CCDC3: variants seen among roughly 807,000 people sequenced by gnomAD.
The protein encoded by CCDC3 is coiled-coil domain-containing protein 3.
In CCDC3, 24 loss-of-function variants were observed where a neutral mutation model predicts 21.4. That is an observed-to-expected ratio of 1.12 (90% CI 0.81 to 1.58). The LOEUF is 1.58. CCDC3 is among the 40% of genes most tolerant of loss of function. CCDC3 has a pLI of 0.00. For missense variants in CCDC3, 425 were observed against 360.9 expected, an observed-to-expected ratio of 1.18 and a Z score of -1.44; for synonymous variants, 186 against 166.0, an observed-to-expected ratio of 1.12 and a Z score of -0.93.
intron 5 of CCDC3, among the ~76,000 whole-genome samples, chr10:13,027,651 C>A (rs779011309): frequency 1.6e-4 from 24 of 150,018 alleles, no homozygotes; most frequent in Non-Finnish European, 2.7e-4. Flanking sequence ...TTTGAGGCTG[C>A]AGTGAGATGT....
At chr10:13,073,947 AACAGGTAC>A (rs1160381294) in exon 4 of CCDC3, 1 of 151,860 alleles carries the variant, frequency 6.6e-6, no homozygotes, top group African/African-American at 2.4e-5. Flanking sequence ...CACCTCCTCT[AACAGGTAC>A]ACCATGCAGT....
intron 2 of CCDC3, among the ~76,000 whole-genome samples, chr10:12,969,739 T>A (rs896138957): frequency 4.0e-5 from 6 of 149,574 alleles, no homozygotes; most frequent in African/African-American, 1.5e-4. Context: ...TATTCTAATA[T>A]TTTTAAAAAA....
chr10:13,055,588 G>C (rs548479678), intron 4 of CCDC3, among the ~76,000 whole-genome samples: 1 of 152,262 alleles, frequency 6.6e-6, no homozygotes, highest in East Asian at 1.9e-4. Flanking sequence ...GCCTCCCAAA[G>C]TGCTGAGATT....
chr10:12,921,675 C>A (rs1834452530), intron 2 of CCDC3, among the ~76,000 whole-genome samples: 1 of 152,194 alleles, frequency 6.6e-6, no homozygotes, highest in Non-Finnish European at 1.5e-5. Context: ...TTATCTTGCA[C>A]AACTATAATT....
At position 13,034,525 on chromosome 10, in the gene CCDC3, TAA is replaced by T. The variant is rs34324335; in HGVS notation, c.-2+15147_-2+15148del. On this transcript the variant is annotated intron_variant, in intron 5 of 6. Coordinates refer to the CCDC3 transcript ENST00000378839. ...AGAATTCCCCCAAAAGCCTAGATCT[TAA>T]AAAAAAAAAAAAAATGGGTACATTT... is the stretch of plus-strand genomic sequence containing the variant. Among the ~76,000 whole-genome samples the T allele has an allele frequency of 8.5e-3, 1,219 of 142,666 alleles. 14 individuals carry two copies. The highest frequency in any genetic ancestry group is 0.025 in the African/African-American group (960 of 37,970). The allele number at this position is 142,666 out of a possible 152,430, so 93.6% of individuals were successfully genotyped here. A position where few individuals can be genotyped will look rare whatever the true frequency, so the allele number is the denominator to read the frequency against.
intron 5 of CCDC3, among the ~76,000 whole-genome samples, chr10:13,032,916 C>T (rs1008889225): frequency 6.6e-6 from 1 of 152,128 alleles, no homozygotes; most frequent in African/African-American, 2.4e-5. Flanking sequence ...GCCATACTGC[C>T]CAAGGTAATT....
intron 4 of CCDC3, among the ~76,000 whole-genome samples, chr10:13,064,851 G>C (rs1457053912): frequency 6.6e-6 from 1 of 152,086 alleles, no homozygotes; most frequent in Non-Finnish European, 1.5e-5. Flanking sequence ...CTGAAGTAAG[G>C]AGAAGGCTTC....
intron 5 of CCDC3, among the ~76,000 whole-genome samples, chr10:13,049,050 C>A (rs1326050551): frequency 6.6e-6 from 1 of 152,110 alleles, no homozygotes; most frequent in Non-Finnish European, 1.5e-5. Context: ...AGGATCAGAT[C>A]ACCTGACTCG....
At chr10:13,079,153 T>G (rs1837001709) in intron 3 of CCDC3, among the ~76,000 whole-genome samples, 1 of 152,254 alleles carries the variant, frequency 6.6e-6, no homozygotes, top group Non-Finnish European at 1.5e-5. Context: ...TTCCTTATGG[T>G]ACCAAGGAAC....
chr10:12,900,030 G>A (rs1275239650), intron 2 of CCDC3, among the ~76,000 whole-genome samples: 8 of 152,072 alleles, frequency 5.3e-5, no homozygotes, highest in East Asian at 3.9e-4. Context: ...TCAAGAGATC[G>A]GATGGTTTTA....
chr10:13,074,147 A>G (rs1407506769), intron 3 of CCDC3: 10 of 64,418 alleles, frequency 1.6e-4, no homozygotes, highest in Non-Finnish European at 2.4e-4. Flanking sequence ...ATATATATAT[A>G]TATATATTTT....
chr10:12,919,586 TAA>T (rs11413349), intron 2 of CCDC3, among the ~76,000 whole-genome samples: 3 of 130,926 alleles, frequency 2.3e-5, no homozygotes, highest in Non-Finnish European at 3.2e-5. Context: ...CAAGACTGTC[TAA>T]AAAAAAAAAA....
At chr10:12,938,227 T>A (rs776762271) in intron 2 of CCDC3, among the ~76,000 whole-genome samples, 7 of 152,188 alleles carry the variant, frequency 4.6e-5, no homozygotes, top group Non-Finnish European at 1.0e-4. Context: ...GCTTTTGAAC[T>A]CAAGCCATCT....
intron 2 of CCDC3, among the ~76,000 whole-genome samples, chr10:12,906,604 A>G (rs920207341): frequency 3.3e-5 from 5 of 152,098 alleles, no homozygotes; most frequent in Non-Finnish European, 7.4e-5. Flanking sequence ...GTACCCAGAT[A>G]CCTGTTAGAG....
chr10:12,918,004 C>A (rs1442180387), intron 2 of CCDC3, among the ~76,000 whole-genome samples: 1 of 152,106 alleles, frequency 6.6e-6, no homozygotes, highest in Non-Finnish European at 1.5e-5. Context: ...TTTTCAAATT[C>A]CTGAGTTTAC....
intron 3 of CCDC3, among the ~76,000 whole-genome samples, chr10:13,092,330 T>A (rs1388419697): frequency 6.6e-6 from 1 of 152,208 alleles, no homozygotes; most frequent in Admixed American, 6.5e-5. Context: ...GTTCTAAATT[T>A]ATGTAAGATC....
At chr10:12,992,686 T>C (rs916462393) in intron 2 of CCDC3, among the ~76,000 whole-genome samples, 1 of 152,028 alleles carries the variant, frequency 6.6e-6, no homozygotes, top group Non-Finnish European at 1.5e-5. Flanking sequence ...TAAAAAAGAC[T>C]ACACACTGGG....
rs74343273 is a variant in CCDC3 at position 12,937,868 on chromosome 10, C to T, written c.550-39189G>A. Among the ~76,000 whole-genome samples, 1,107 of 152,266 alleles carry T rather than the reference C, an allele frequency of 7.3e-3. 13 individuals are homozygous for T. The highest frequency in any genetic ancestry group is 0.025 in the African/African-American group (1,047 of 41,518). ...ATCATTAAGCCATTATTTGGCACCC[C>T]ATGGAAACTCGGAGGCAGTCTCCCT... On this transcript the variant is annotated intron_variant, in intron 2 of 2. Transcript: ENST00000378825.
Position 13,088,781 on chromosome 10 carries a change from G to A in CCDC3, c.-503+9744C>T, listed in dbSNP as rs183401547. 1.6e-4 allele frequency among the ~76,000 whole-genome samples: 25 copies of A among 152,296 alleles called. No individual in the cohort carries two copies. In the East Asian group the frequency reaches 4.2e-3, roughly 26 times the overall value. On this transcript the variant is annotated intron_variant, in intron 3 of 6. Transcript: ENST00000378839. ...CTCACGCCTGTAATCCCAGCACTTC[G>A]GGAGGCCAAGGCAGGAGGATCACCT...
Sources: gnomAD v4.1 joint callset for allele counts (sites outside exome capture counted in the v4.1 genomes callset) on GRCh38, gnomAD v4.1.1 for gene constraint, MANE v1.5 for transcripts, NCBI Gene and HGNC (gene_info 2026-07-23, HGNC 2026-07-21) for gene names.